The following TXNRD1 variants were observed in gnomAD, a reference collection of about 807,000 sequenced individuals.
TXNRD1 encodes thioredoxin reductase 1, cytoplasmic.
TXNRD1 carries 57 observed loss-of-function variants against 80.3 expected under a neutral mutation model. The ratio of observed to expected loss-of-function variants is 0.71; its 90% CI spans 0.57 to 0.89. The LOEUF (loss-of-function observed/expected upper bound fraction) is 0.89, where lower values mean the gene tolerates loss of function less well. Among genes scored for constraint, TXNRD1 ranks in the 40% least tolerant of loss-of-function variants. TXNRD1 has a pLI of 0.00. For synonymous variants in TXNRD1, 291 were observed against 285.2 expected (o/e 1.02, Z -0.20); for missense variants, 730 against 803.0 (o/e 0.91, Z 1.10).
chr12:104,229,469 C>T (rs549768286), intron 1 of TXNRD1, among the ~76,000 whole-genome samples: 6 of 152,112 alleles, frequency 3.9e-5, no homozygotes, highest in African/African-American at 1.2e-4. Context: ...GCTTCTTTCA[C>T]TTAGCATAAT....
intron 2 of TXNRD1, among the ~76,000 whole-genome samples, chr12:104,257,557 C>G (rs2033284905): frequency 6.6e-6 from 1 of 151,984 alleles, no homozygotes; most frequent in Non-Finnish European, 1.5e-5. Context: ...CAGGTGCCCA[C>G]CACCACGCCC....
chr12:104,303,991 G>A, intron 4 of TXNRD1: 7 of 1,608,992 alleles, frequency 4.4e-6, no homozygotes, highest in Non-Finnish European at 5.9e-6. Flanking sequence ...TCAGCTCTGG[G>A]GAGGCCGACG....
In TXNRD1 at chr12:104,289,071, G is replaced by A. The variant is rs372648823; in HGVS notation, c.414+31G>A. The A allele has an allele frequency of 6.2e-6, 10 of 1,600,198 alleles. No homozygotes were observed. In the African/African-American group the frequency reaches 8.0e-5, roughly 13 times the overall value. On this transcript the variant is annotated intron_variant, in intron 4 of 16. Coordinates refer to ENST00000525566, the MANE Select transcript of TXNRD1 (RefSeq NM_001093771.3). ...AGAGAGTAACGTATCTTTTTAAACGGGGGATGAGCTCGTTGAGCTCAGCGT... is the reference window on the plus strand; with the variant it reads ...AGAGAGTAACGTATCTTTTTAAACGAGGGATGAGCTCGTTGAGCTCAGCGT...
chr12:104,250,135 G>A (rs2033088089), intron 1 of TXNRD1, among the ~76,000 whole-genome samples: 1 of 152,050 alleles, frequency 6.6e-6, no homozygotes, highest in South Asian at 2.1e-4. Flanking sequence ...TTTTGACAAG[G>A]TTGGCAAGAT....
intron 4 of TXNRD1, among the ~76,000 whole-genome samples, chr12:104,308,892 A>G (rs945098306): frequency 1.4e-5 from 2 of 142,732 alleles, no homozygotes; most frequent in African/African-American, 2.6e-5. Flanking sequence ...TTTAAAAACA[A>G]TGTTTCTTTT....
chr12:104,316,794 G>A (rs997341479), intron 7 of TXNRD1, among the ~76,000 whole-genome samples: 4 of 152,204 alleles, frequency 2.6e-5, no homozygotes, highest in African/African-American at 9.7e-5. Flanking sequence ...CTGTTGTGAA[G>A]AGTGAAACTC....
chr12:104,345,760 TTTTG>T (rs374594326), intron 16 of TXNRD1, among the ~76,000 whole-genome samples: 1 of 152,260 alleles, frequency 6.6e-6, no homozygotes, highest in East Asian at 1.9e-4. Flanking sequence ...TTTTTGTGTT[TTTTG>T]TTTGTTTTTA....
rs35325125 is a variant in TXNRD1 at position 104,318,056 on chromosome 12, G to A, written c.731-857G>A. On this transcript the variant is annotated intron_variant, in intron 7 of 16. Transcript: ENST00000525566. The stretch of plus-strand genomic sequence containing the variant: ...CTCTTGAGGCTGAGGCACGAGAATA[G>A]CTTGAACCCTGGGTTGAGGGGTACG... 5.3e-4 allele frequency among the ~76,000 whole-genome samples: 81 copies of A among 152,330 alleles called. No homozygotes were observed. In the East Asian group the frequency reaches 0.014, roughly 27 times the overall value.
intron 10 of TXNRD1, among the ~76,000 whole-genome samples, chr12:104,324,477 A>C (rs1565904153): frequency 2.0e-5 from 3 of 150,364 alleles, no homozygotes; most frequent in African/African-American, 7.3e-5. Context: ...TCAGCCTCCC[A>C]AGTAGCTGGG....
rs769450324 is a variant in TXNRD1 at position 104,349,253 on chromosome 12, G to T, written c.*832G>T. On this transcript the variant is annotated 3_prime_UTR_variant, in exon 17 of 17. Coordinates refer to ENST00000525566, the MANE Select transcript of TXNRD1 (RefSeq NM_001093771.3). ...TATCTTTCTGTCTTTAGTTTATTGT[G>T]TGCTGGTCTAAGCAAGCTGAGATCA... The T allele has an allele frequency of 1.3e-5, 2 of 152,176 alleles. No homozygotes were observed. Among genetic ancestry groups the T allele is most frequent in the African/African-American group, 2.4e-5 (1 of 41,436 alleles). The allele number at this position is 152,176 out of a possible 1,614,324, so 9.4% of individuals were successfully genotyped here.
At position 104,350,016 on chromosome 12, in the gene TXNRD1, T is replaced by G. The variant is rs2036597979; in HGVS notation, c.*1595T>G. 1 of 152,180 alleles carries G rather than the reference T, an allele frequency of 6.6e-6. No individual in the cohort carries two copies. The highest frequency in any genetic ancestry group is 1.5e-5 in the Non-Finnish European group (1 of 68,036). The allele number at this position is 152,180 out of a possible 1,614,324, so 9.4% of individuals were successfully genotyped here. A position where few individuals can be genotyped will look rare whatever the true frequency, so the allele number is the denominator to read the frequency against. ...GTTTTATTTATTTATTTTTAATTTG[T>G]TTTTTTCTCCAAGTCCACCAGTCTC... On this transcript the variant is annotated 3_prime_UTR_variant, in exon 17 of 17. Coordinates refer to ENST00000525566, the MANE Select transcript of TXNRD1 (RefSeq NM_001093771.3).
chr12:104,263,457 G>T (rs896961291), intron 3 of TXNRD1, among the ~76,000 whole-genome samples: 1 of 152,012 alleles, frequency 6.6e-6, no homozygotes, highest in Non-Finnish European at 1.5e-5. Context: ...CACATGTGGT[G>T]GTGTGTTTGG....
At chr12:104,297,375 T>G (rs183791866) in intron 4 of TXNRD1, among the ~76,000 whole-genome samples, 123 of 152,010 alleles carry the variant, frequency 8.1e-4, no homozygotes, top group Middle Eastern at 3.4e-3. Context: ...TATTTATTTA[T>G]TTAGTTTTTG....
chr12:104,338,570 G>A (rs191033949), intron 15 of TXNRD1, among the ~76,000 whole-genome samples: 3 of 150,176 alleles, frequency 2.0e-5, no homozygotes, highest in South Asian at 2.1e-4. Context: ...GGTAGCGCCT[G>A]CCTGTAGTCC....
Position 104,258,058 on chromosome 12 carries a change from G to T in TXNRD1, c.283G>T (p.Val95Leu). The part of the protein sequence containing the change: ...LFKSLCVPYF[V>L]LELDQTEDGR... ...TAAATCTCTGTGTGTTCCTTATTTT[G>T]TGCTTGAACTTGATCAAACAGGTAA... Residue 95 changes from valine to leucine, a missense_variant, in exon 3 of 17, where the codon GTG (valine) becomes TTG (leucine). Physicochemically the swap from Val to Leu is conservative, Grantham distance 32. Transcript: ENST00000525566. The T allele has an allele frequency of 6.4e-7, 1 of 1,552,982 alleles. No individual in the cohort carries two copies. Among genetic ancestry groups the T allele is most frequent in the Non-Finnish European group, 8.7e-7 (1 of 1,147,478 alleles).
chr12:104,281,513 T>C (rs1171186250), intron 3 of TXNRD1, among the ~76,000 whole-genome samples: 1 of 150,626 alleles, frequency 6.6e-6, no homozygotes, highest in Non-Finnish European at 1.5e-5. Context: ...TTCACGCCAT[T>C]CTCCTGCCTC....
intron 4 of TXNRD1, among the ~76,000 whole-genome samples, chr12:104,293,315 A>G (rs2034293691): frequency 6.6e-6 from 1 of 152,236 alleles, no homozygotes; most frequent in Non-Finnish European, 1.5e-5. Flanking sequence ...CTGACAACTC[A>G]GGGCTTAAAT....
chr12:104,327,484 A>C, intron 12 of TXNRD1, 31 bp from the exon 13 acceptor site: 1 of 1,586,852 alleles, frequency 6.3e-7, no homozygotes, highest in Non-Finnish European at 8.6e-7. Flanking sequence ...AATGGTAATT[A>C]ATGATGATTT....
At chr12:104,309,088 C>T (rs1032732835) in intron 4 of TXNRD1, among the ~76,000 whole-genome samples, 3 of 151,996 alleles carry the variant, frequency 2.0e-5, no homozygotes, top group Admixed American at 6.6e-5. Context: ...TTGGTAGAGA[C>T]GGGGTTTCAC....
Sources: gnomAD v4.1 joint callset for allele counts (sites outside exome capture counted in the v4.1 genomes callset) on GRCh38, gnomAD v4.1.1 for gene constraint, MANE v1.5 for transcripts, NCBI Gene and HGNC (gene_info 2026-07-23, HGNC 2026-07-21) for gene names.